Variants in SH3GL2 observed in about 807,000 individuals in gnomAD.
SH3GL2 encodes the protein SH3 domain containing GRB2 like 2, endophilin A1, also known as endophilin-A1.
SH3GL2 carries 24 observed loss-of-function variants against 46.0 expected under a neutral mutation model. That is an observed-to-expected ratio of 0.52 (90% CI 0.38 to 0.73). The LOEUF is 0.73. Ranked by LOEUF, SH3GL2 falls within the 30% of genes least tolerant of loss-of-function variation. The pLI is 0.00. For synonymous variants in SH3GL2, 196 were observed against 147.1 expected (o/e 1.33, Z -2.40); for missense variants, 413 against 424.2 (o/e 0.97, Z 0.23).
intron 1 of SH3GL2, among the ~76,000 whole-genome samples, chr9:17,715,289 G>A (rs1215264854): frequency 6.7e-6 from 1 of 149,882 alleles, no homozygotes; most frequent in Non-Finnish European, 1.5e-5. Flanking sequence ...GATTTCCTTT[G>A]ATGTAATTTG....
chr9:17,701,669 CAA>C (rs1821345288), intron 1 of SH3GL2, among the ~76,000 whole-genome samples: 1 of 151,920 alleles, frequency 6.6e-6, no homozygotes, highest in African/African-American at 2.4e-5. Flanking sequence ...GAACAGCCAC[CAA>C]TTAGAAGATA....
intron 1 of SH3GL2, among the ~76,000 whole-genome samples, chr9:17,740,825 T>C (rs575986609): frequency 1.2e-4 from 19 of 152,292 alleles, no homozygotes; most frequent in African/African-American, 4.6e-4. Context: ...CTTTTACACA[T>C]ATTTTCTCAT....
At chr9:17,693,029 A>C (rs1391627321) in intron 1 of SH3GL2, among the ~76,000 whole-genome samples, 3 of 152,182 alleles carry the variant, frequency 2.0e-5, no homozygotes. Flanking sequence ...GGGAATTCTG[A>C]GAGATAAATT....
In SH3GL2 at chr9:17,787,356, T is replaced by C. The variant is rs781573673; in HGVS notation, c.332-24T>C. 3.1e-6 allele frequency: 5 copies of C among 1,603,026 alleles called. No homozygotes were observed. In the East Asian group the frequency reaches 6.7e-5, roughly 21 times the overall value. On this transcript the variant is annotated intron_variant, in intron 4 of 8. Transcript: ENST00000380607. ...TGCATTTCATCTTTATTCTGTAACATGAAAGAGCTTTATTCTCTCCTAGGC... is the reference window on the plus strand; with the variant it reads ...TGCATTTCATCTTTATTCTGTAACACGAAAGAGCTTTATTCTCTCCTAGGC...
At chr9:17,642,846 C>T (rs1393602458) in intron 1 of SH3GL2, among the ~76,000 whole-genome samples, 1 of 152,134 alleles carries the variant, frequency 6.6e-6, no homozygotes, top group Non-Finnish European at 1.5e-5. Context: ...TTTTTGGTTC[C>T]ATATGACATT....
chr9:17,742,294 C>T (rs1822549211), intron 1 of SH3GL2, among the ~76,000 whole-genome samples: 1 of 152,114 alleles, frequency 6.6e-6, no homozygotes, highest in African/African-American at 2.4e-5. Flanking sequence ...TGACAGCTAA[C>T]TGGGGGAGGA....
At chr9:17,643,596 G>GT (rs201470170) in intron 1 of SH3GL2, among the ~76,000 whole-genome samples, 3,874 of 151,776 alleles carry the variant, frequency 0.026, 159 homozygotes, top group African/African-American at 0.087. Flanking sequence ...CTGTTTATGT[G>GT]TTTTTTGTCA....
chr9:17,751,475 T>TGC (rs1414452281), intron 2 of SH3GL2, among the ~76,000 whole-genome samples: 11 of 131,540 alleles, frequency 8.4e-5, no homozygotes, highest in Non-Finnish European at 1.2e-4. Context: ...TGTTTTTGTG[T>TGC]GTGCGTGTGT....
chr9:17,695,808 A>T (rs1363761912), intron 1 of SH3GL2, among the ~76,000 whole-genome samples: 1 of 149,370 alleles, frequency 6.7e-6, no homozygotes, highest in Admixed American at 6.6e-5. Flanking sequence ...TGTGAAAAAA[A>T]TCTTGATGTC....
At chr9:17,744,805 A>AT (rs1273730192) in intron 1 of SH3GL2, among the ~76,000 whole-genome samples, 3 of 152,206 alleles carry the variant, frequency 2.0e-5, no homozygotes, top group Admixed American at 6.5e-5. Flanking sequence ...GTTAGGTGGT[A>AT]TTGATGTCAG....
intron 2 of SH3GL2, among the ~76,000 whole-genome samples, chr9:17,751,571 G>A (rs1007120616): frequency 1.3e-5 from 2 of 151,504 alleles, no homozygotes; most frequent in Non-Finnish European, 2.9e-5. Context: ...TGTTCCCACC[G>A]CCCATGTTGG....
chr9:17,598,947 A>G (rs981988297), intron 1 of SH3GL2, among the ~76,000 whole-genome samples: 5 of 152,192 alleles, frequency 3.3e-5, no homozygotes, highest in Non-Finnish European at 5.9e-5. Context: ...CTTTAAATGA[A>G]TCATTTAATT....
intron 8 of SH3GL2, 80 bp downstream of exon 8, chr9:17,793,577 C>A: frequency 7.3e-7 from 1 of 1,374,316 alleles, no homozygotes; most frequent in South Asian, 1.2e-5. Context: ...TAGGAATAGT[C>A]CAATCTGGCT....
chr9:17,699,938 G>T (rs1242562800), intron 1 of SH3GL2, among the ~76,000 whole-genome samples: 3 of 152,166 alleles, frequency 2.0e-5, no homozygotes, highest in Non-Finnish European at 4.4e-5. Flanking sequence ...AGGTTTACCT[G>T]TTAAGTTTTG....
At chr9:17,693,559 T>C (rs560975476) in intron 1 of SH3GL2, among the ~76,000 whole-genome samples, 26 of 150,116 alleles carry the variant, frequency 1.7e-4, no homozygotes, top group South Asian at 2.1e-4. Context: ...TCTTCAAATA[T>C]GGACACACAC....
intron 3 of SH3GL2, 142 bp downstream of exon 3, chr9:17,761,651 A>G (rs1823179183): frequency 1.3e-6 from 1 of 750,062 alleles, no homozygotes; most frequent in Admixed American, 1.8e-5. Context: ...GACTTCATGG[A>G]TAGCACATTT....
chr9:17,715,837 C>G (rs937393518), intron 1 of SH3GL2, among the ~76,000 whole-genome samples: 1 of 152,034 alleles, frequency 6.6e-6, no homozygotes. Flanking sequence ...GCTCAGAACC[C>G]TTACATTAGC....
At chr9:17,718,763 A>G (rs540519593) in intron 1 of SH3GL2, among the ~76,000 whole-genome samples, 120 of 152,200 alleles carry the variant, frequency 7.9e-4, no homozygotes, top group African/African-American at 2.7e-3. Flanking sequence ...CCCCACCTCC[A>G]AATATTCTTA....
chr9:17,619,010 A>G (rs186589290), intron 1 of SH3GL2, among the ~76,000 whole-genome samples: 40 of 152,344 alleles, frequency 2.6e-4, no homozygotes, highest in Middle Eastern at 6.8e-3. Flanking sequence ...AAGTTTAAGT[A>G]CAAAAAAGTA....
Sources: allele counts gnomAD v4.1 joint callset (sites outside exome capture counted in the v4.1 genomes callset), GRCh38; gene constraint gnomAD v4.1.1; transcripts MANE v1.5; gene names NCBI Gene and HGNC (gene_info 2026-07-23, HGNC 2026-07-21).